CSMD1: variants seen among roughly 807,000 people sequenced by gnomAD.
CSMD1 encodes the protein CUB and sushi domain-containing protein 1.
A neutral mutation model predicts 417.5 loss-of-function variants in CSMD1; 213 were observed. The ratio of observed to expected loss-of-function variants is 0.51; its 90% CI spans 0.46 to 0.57. The LOEUF (loss-of-function observed/expected upper bound fraction) is 0.57, where lower values mean the gene tolerates loss of function less well. Ranked by LOEUF, CSMD1 falls within the 20% of genes least tolerant of loss-of-function variation. The pLI is 0.00. For missense variants in CSMD1, 6,923 were observed against 4,529.7 expected (o/e 1.53, Z -15.17); for synonymous variants, 2,862 against 1,736.8 (o/e 1.65, Z -16.11).
intron 5 of CSMD1, among the ~76,000 whole-genome samples, chr8:3,862,781 G>A (rs976203687): frequency 2.6e-5 from 4 of 152,190 alleles, no homozygotes; most frequent in Non-Finnish European, 5.9e-5. Context: ...TACACACAGA[G>A]AAGTTAACTG....
chr8:4,751,030 T>C (rs1053697593), intron 1 of CSMD1, among the ~76,000 whole-genome samples: 3 of 152,226 alleles, frequency 2.0e-5, no homozygotes, highest in Non-Finnish European at 4.4e-5. Flanking sequence ...GCTAAGATTA[T>C]CAAATCTTTC....
intron 3 of CSMD1, among the ~76,000 whole-genome samples, chr8:4,046,185 T>C (rs975100296): frequency 5.3e-5 from 8 of 152,180 alleles, no homozygotes; most frequent in Non-Finnish European, 1.2e-4. Flanking sequence ...TATGTGTATG[T>C]GTGCGTGTGT....
At chr8:4,919,409 C>G (rs1806287769) in intron 1 of CSMD1, among the ~76,000 whole-genome samples, 1 of 151,948 alleles carries the variant, frequency 6.6e-6, no homozygotes, top group Non-Finnish European at 1.5e-5. Context: ...AGAAATATGA[C>G]CAAAATTTCC....
intron 2 of CSMD1, among the ~76,000 whole-genome samples, chr8:4,546,241 A>G (rs1797626485): frequency 6.6e-6 from 1 of 151,798 alleles, no homozygotes; most frequent in Non-Finnish European, 1.5e-5. Flanking sequence ...TGCTCCCACC[A>G]CTTCTTTCCC....
intron 5 of CSMD1, among the ~76,000 whole-genome samples, chr8:3,845,906 G>C (rs1402102473): frequency 6.6e-6 from 1 of 151,682 alleles, no homozygotes; most frequent in African/African-American, 2.4e-5. Flanking sequence ...GGCCTAAACA[G>C]TGATCATCAA....
intron 3 of CSMD1, among the ~76,000 whole-genome samples, chr8:4,051,299 T>C (rs941724384): frequency 2.0e-5 from 2 of 102,136 alleles, no homozygotes; most frequent in African/African-American, 9.0e-5. Context: ...CATCTAAGTT[T>C]TGAAGACTCA....
At chr8:4,661,799 C>T (rs75554864) in intron 1 of CSMD1, among the ~76,000 whole-genome samples, 2,380 of 152,188 alleles carry the variant, frequency 0.016, 64 homozygotes, top group African/African-American at 0.055. Flanking sequence ...ATCCAAAAAA[C>T]GGTTAGCATG....
intron 7 of CSMD1, among the ~76,000 whole-genome samples, chr8:3,628,340 C>A (rs1290494800): frequency 6.6e-6 from 1 of 152,186 alleles, no homozygotes; most frequent in East Asian, 1.9e-4. Context: ...CCTGCCCACA[C>A]CGGCCGAGGG....
chr8:4,119,095 G>A (rs888273245), intron 3 of CSMD1, among the ~76,000 whole-genome samples: 1 of 152,080 alleles, frequency 6.6e-6, no homozygotes, highest in Admixed American at 6.6e-5. Context: ...CTGTCAGTGG[G>A]TGGGGACAAG....
At chr8:3,918,527 T>G (rs1257789519) in intron 5 of CSMD1, among the ~76,000 whole-genome samples, 2 of 152,182 alleles carry the variant, frequency 1.3e-5, no homozygotes, top group African/African-American at 4.8e-5. Flanking sequence ...TGCCCATTTT[T>G]AATTTTTAAT....
chr8:3,829,507 C>T (rs1208116269), intron 5 of CSMD1, among the ~76,000 whole-genome samples: 3 of 152,130 alleles, frequency 2.0e-5, no homozygotes, highest in African/African-American at 7.2e-5. Flanking sequence ...TCCTTTGTCC[C>T]TCTGTCCTGC....
chr8:4,091,891 G>T (rs186400252), intron 3 of CSMD1, among the ~76,000 whole-genome samples: 2 of 152,134 alleles, frequency 1.3e-5, no homozygotes, highest in Non-Finnish European at 2.9e-5. Flanking sequence ...TGTAAGAACC[G>T]TACAGAGTTT....
At chr8:4,736,157 A>G (rs1289797924) in intron 1 of CSMD1, among the ~76,000 whole-genome samples, 3 of 152,102 alleles carry the variant, frequency 2.0e-5, no homozygotes. Flanking sequence ...CTGTCACCCT[A>G]ATGCTTTCAA....
At chr8:4,678,153 G>A (rs767174565) in intron 1 of CSMD1, among the ~76,000 whole-genome samples, 2 of 151,778 alleles carry the variant, frequency 1.3e-5, no homozygotes, top group East Asian at 1.9e-4. Flanking sequence ...GGCCACTTCT[G>A]TAATCCCAGT....
At chr8:3,847,684 A>T (rs1051305564) in intron 5 of CSMD1, among the ~76,000 whole-genome samples, 1 of 152,048 alleles carries the variant, frequency 6.6e-6, no homozygotes, top group African/African-American at 2.4e-5. Context: ...TTTGCTACTC[A>T]GCCATGGAAA....
chr8:3,123,446 C>A (rs545530481), intron 41 of CSMD1, among the ~76,000 whole-genome samples: 2 of 152,154 alleles, frequency 1.3e-5, no homozygotes, highest in East Asian at 3.8e-4. Flanking sequence ...ATGAATAATT[C>A]CACACTGAGT....
intron 23 of CSMD1, among the ~76,000 whole-genome samples, chr8:3,315,431 GAAGT>G (rs1474283409): frequency 3.2e-5 from 2 of 62,796 alleles, no homozygotes; most frequent in East Asian, 6.5e-4. Context: ...AATTCTAGGT[GAAGT>G]GAGTGTGTGT....
At chr8:4,961,279 G>A (rs4623447) in intron 1 of CSMD1, among the ~76,000 whole-genome samples, 111,879 of 151,916 alleles carry the variant, frequency 0.74, 42,437 homozygotes, top group African/African-American at 0.93. Flanking sequence ...CCCATCAAAC[G>A]CATCCAAAAA....
intron 3 of CSMD1, among the ~76,000 whole-genome samples, chr8:4,325,956 C>T (rs554073785): frequency 1.3e-5 from 2 of 152,252 alleles, no homozygotes; most frequent in African/African-American, 4.8e-5. Flanking sequence ...ACGGTCATAT[C>T]AGTCTACAGT....
Sources: gnomAD v4.1 joint callset for allele counts (sites outside exome capture counted in the v4.1 genomes callset) on GRCh38, gnomAD v4.1.1 for gene constraint, MANE v1.5 for transcripts, NCBI Gene and HGNC (gene_info 2026-07-23, HGNC 2026-07-21) for gene names.